RASSF9: variants seen among roughly 807,000 people sequenced by gnomAD.
RASSF9 encodes Ras association domain family member 9.
Under a neutral mutation model 21.4 loss-of-function variants are expected in RASSF9, and 18 were observed. The ratio of observed to expected loss-of-function variants is 0.84; its 90% CI spans 0.58 to 1.25. The LOEUF (loss-of-function observed/expected upper bound fraction) is 1.25, where lower values mean the gene tolerates loss of function less well. RASSF9 is among the 50% of genes most tolerant of loss of function. The pLI, the probability that RASSF9 is intolerant of heterozygous loss-of-function variation, is 0.00. For synonymous variants in RASSF9, 183 were observed against 179.1 expected (o/e 1.02, Z -0.18); for missense variants, 480 against 503.2 (o/e 0.95, Z 0.44).
At chr12:85,807,466 T>G (rs1408310254) in intron 1 of RASSF9, among the ~76,000 whole-genome samples, 1 of 152,012 alleles carries the variant, frequency 6.6e-6, no homozygotes, top group Non-Finnish European at 1.5e-5. Context: ...TACATATGTC[T>G]GTCTTCTGTT....
At chr12:85,823,364 A>G (rs144466292) in intron 1 of RASSF9, among the ~76,000 whole-genome samples, 380 of 152,162 alleles carry the variant, frequency 2.5e-3, no homozygotes, top group South Asian at 5.8e-3. Flanking sequence ...TCCTCCTCCC[A>G]TTCTTGCAGC....
In RASSF9 at chr12:85,805,745, C is replaced by A. The variant is rs977156412; in HGVS notation, c.265G>T (p.Val89Phe). Residue 89 changes from valine (V) to phenylalanine (F), a missense_variant, in exon 2 of 2, where the codon GTT (valine) becomes TTT (phenylalanine). By Grantham distance (50) the Val-to-Phe change is conservative (BLOSUM62 -1). Transcript: ENST00000361228. ...AGGATTCTAGTTAGTGGAGGAAGAA[C>A]CCTTTCGGAGCCTCTCCACTTCTCT... ...IIEKWRGSER[V>F]LPPLTRILKL... 41 of 1,613,722 alleles carry A rather than the reference C, an allele frequency of 2.5e-5. No homozygotes were observed. The highest frequency in any genetic ancestry group is 1.6e-4 in the Middle Eastern group (1 of 6,084).
At chr12:85,824,467 G>A (rs929385847) in intron 1 of RASSF9, among the ~76,000 whole-genome samples, 9 of 152,068 alleles carry the variant, frequency 5.9e-5, no homozygotes, top group South Asian at 2.1e-4. Flanking sequence ...GTAAGATATC[G>A]TAGGTTGTTA....
At chr12:85,822,010 G>A (rs372465294) in intron 1 of RASSF9, among the ~76,000 whole-genome samples, 1 of 152,186 alleles carries the variant, frequency 6.6e-6, no homozygotes, top group Middle Eastern at 3.4e-3. Context: ...CCTGCACCTG[G>A]GAGGTTGCTA....
In RASSF9 at chr12:85,805,135, T is replaced by G. The variant is rs1372090633; in HGVS notation, c.875A>C (p.Lys292Thr). 2 of 1,613,850 alleles carry G rather than the reference T, an allele frequency of 1.2e-6. No individual in the cohort carries two copies. The highest frequency in any genetic ancestry group is 1.7e-6 in the Non-Finnish European group (2 of 1,179,898). ...KLSAEIEKEVKSVCIDINEDA... is the reference protein window; with the variant it reads ...KLSAEIEKEVTSVCIDINEDA... ...TTCATTTATATCAATGCAAACACTT[T>G]TTACCTCTTTTTCTATTTCAGCAGA... Residue 292 changes from lysine to threonine, a missense_variant, in exon 2 of 2, where the codon AAA becomes ACA. Physicochemically the swap from Lys to Thr is moderately conservative, Grantham distance 78. Coordinates refer to ENST00000361228, the MANE Select transcript of RASSF9 (RefSeq NM_005447.4).
intron 1 of RASSF9, among the ~76,000 whole-genome samples, chr12:85,817,224 G>C (rs1402076794): frequency 3.9e-5 from 6 of 151,974 alleles, no homozygotes; most frequent in African/African-American, 1.2e-4. Flanking sequence ...CAATTATGAA[G>C]TTTAAAGTGT....
Position 85,805,820 on chromosome 12 carries a change from A to G in RASSF9, c.190T>C (p.Phe64Leu). 2.5e-6 allele frequency: 4 copies of G among 1,613,836 alleles called. No individual in the cohort carries two copies. The highest frequency in any genetic ancestry group is 2.7e-5 in the African/African-American group (2 of 75,004). The change falls in exon 2 of 2, where the codon TTT (phenylalanine) becomes CTT (leucine). Residue 64 changes from phenylalanine (F) to leucine (L), a missense_variant. Phe to Leu is a conservative substitution (Grantham distance 22, BLOSUM62 0). Coordinates refer to ENST00000361228, the MANE Select transcript of RASSF9 (RefSeq NM_005447.4). ...QALLEEHEAT[F>L]GEKRFLLGKP... ...CCCAGAAGAAATCGTTTCTCTCCAA[A>G]CGTAGCCTCATGTTCCTCAAGCAAA...
At chr12:85,835,330 T>G (rs1880535258) in intron 1 of RASSF9, among the ~76,000 whole-genome samples, 1 of 152,174 alleles carries the variant, frequency 6.6e-6, no homozygotes, top group Non-Finnish European at 1.5e-5. Flanking sequence ...CTCAAGTTTT[T>G]GGCATGAAAA....
chr12:85,833,625 T>C (rs1880499820), intron 1 of RASSF9, among the ~76,000 whole-genome samples: 1 of 152,000 alleles, frequency 6.6e-6, no homozygotes, highest in African/African-American at 2.4e-5. Flanking sequence ...AGAAAAATTC[T>C]GTAAGCAGAC....
At chr12:85,828,841 T>C (rs1345983631) in intron 1 of RASSF9, among the ~76,000 whole-genome samples, 1 of 152,252 alleles carries the variant, frequency 6.6e-6, no homozygotes, top group Non-Finnish European at 1.5e-5. Flanking sequence ...TTTAAGTGTT[T>C]TTACTAATCA....
chr12:85,805,827 C>T lies in RASSF9; in HGVS notation c.183G>A (p.Glu61=). The change falls in exon 2 of 2, where the codon GAG becomes GAA. Residue 61 remains glutamate, a synonymous_variant. Coordinates refer to ENST00000361228, the MANE Select transcript of RASSF9 (RefSeq NM_005447.4). ...DVIQALLEEH[E]ATFGEKRFLL... is the part of the protein sequence containing the mutation. ...GAAATCGTTTCTCTCCAAACGTAGC[C>T]TCATGTTCCTCAAGCAAAGCCTGGA... 6.2e-7 allele frequency: 1 copy of T among 1,613,956 alleles called. No individual in the cohort carries two copies.
rs540715213 is a variant in RASSF9 at position 85,813,441 on chromosome 12, ATAAAT to A, written c.48-7484_48-7480del. Among the ~76,000 whole-genome samples the A allele has an allele frequency of 6.0e-4, 92 of 152,126 alleles. 1 individual carries two copies. Among genetic ancestry groups the A allele is most frequent in the African/African-American group, 1.7e-3 (72 of 41,564 alleles). On this transcript the variant is annotated intron_variant, in intron 1 of 1. Transcript: ENST00000361228. ...TTGACTAAGCACAAAGCATCAAGAA[ATAAAT>A]TAAGTTTAAATCTTGAAGTTTTAAG...
At chr12:85,813,511 A>G (rs1879996649) in intron 1 of RASSF9, among the ~76,000 whole-genome samples, 1 of 151,890 alleles carries the variant, frequency 6.6e-6, no homozygotes, top group African/African-American at 2.4e-5. Flanking sequence ...CAAATTGGAG[A>G]TTCAACAGAA....
rs147925286 is a variant in RASSF9 at position 85,803,108 on chromosome 12, A to G, written c.*1594T>C. 6.6e-6 allele frequency: 1 copy of G among 152,330 alleles called. No homozygotes were observed. Among genetic ancestry groups the G allele is most frequent in the Non-Finnish European group, 1.5e-5 (1 of 68,010 alleles). The allele number at this position is 152,330 out of a possible 1,614,324, so 9.4% of individuals were successfully genotyped here. On this transcript the variant is annotated 3_prime_UTR_variant, in exon 2 of 2. Transcript: ENST00000361228. ...AAAAGACAGGAGAAGGCAGGAACAA[A>G]TATGTTAAGAAGATTTAAGGAGCAA...
At chr12:85,815,201 T>C (rs1880034812) in intron 1 of RASSF9, among the ~76,000 whole-genome samples, 1 of 151,942 alleles carries the variant, frequency 6.6e-6, no homozygotes, top group Non-Finnish European at 1.5e-5. Flanking sequence ...ACCTCTGGTT[T>C]AGGGGAGTTG....
chr12:85,822,303 CA>C (rs1200873050), intron 1 of RASSF9, among the ~76,000 whole-genome samples: 11 of 152,116 alleles, frequency 7.2e-5, no homozygotes, highest in African/African-American at 2.4e-4. Flanking sequence ...ACTTGAAGGA[CA>C]TAAGTCATAT....
At chr12:85,829,913 G>A (rs1411504438) in intron 1 of RASSF9, among the ~76,000 whole-genome samples, 1 of 152,046 alleles carries the variant, frequency 6.6e-6, no homozygotes, top group African/African-American at 2.4e-5. Context: ...AAAAGTTCTT[G>A]CATGAACTAT....
chr12:85,804,007 A>G lies in RASSF9; in HGVS notation c.*695T>C, dbSNP rs994196069. ...AGATCTGAATTGCCAGATAGCAAACATCCACACATAGCTCTTAATAAATTG... is the reference window on the plus strand; with the variant it reads ...AGATCTGAATTGCCAGATAGCAAACGTCCACACATAGCTCTTAATAAATTG... On this transcript the variant is annotated 3_prime_UTR_variant, in exon 2 of 2. Transcript: ENST00000361228. 4 of 152,236 alleles carry G rather than the reference A, an allele frequency of 2.6e-5. No individual in the cohort carries two copies. Among genetic ancestry groups the G allele is most frequent in the African/African-American group, 9.6e-5 (4 of 41,456 alleles). The allele number at this position is 152,236 out of a possible 1,614,324, so 9.4% of individuals were successfully genotyped here.
At chr12:85,810,868 T>C (rs1231359706) in intron 1 of RASSF9, among the ~76,000 whole-genome samples, 2 of 151,922 alleles carry the variant, frequency 1.3e-5, no homozygotes, top group East Asian at 1.9e-4. Flanking sequence ...GGGGATTGCA[T>C]AAAATATGCA....
Sources: gnomAD v4.1 joint callset for allele counts (sites outside exome capture counted in the v4.1 genomes callset) on GRCh38, gnomAD v4.1.1 for gene constraint, MANE v1.5 for transcripts, NCBI Gene and HGNC (gene_info 2026-07-23, HGNC 2026-07-21) for gene names.